The following ATG5 variants were observed in gnomAD, a reference collection of about 807,000 sequenced individuals.
ATG5 encodes the protein autophagy protein 5.
A neutral mutation model predicts 36.5 loss-of-function variants in ATG5; 14 were observed. The ratio of observed to expected loss-of-function variants is 0.38; its 90% confidence interval spans 0.25 to 0.60. ATG5 has a LOEUF of 0.60. Ranked by LOEUF, ATG5 falls within the 20% of genes least tolerant of loss-of-function variation. The pLI is 0.60. For synonymous variants in ATG5, 95 were observed against 101.5 expected, an observed-to-expected ratio of 0.94 and a Z score of 0.38; for missense variants, 195 against 326.7, an observed-to-expected ratio of 0.60 and a Z score of 3.11.
intron 1 of ATG5, among the ~76,000 whole-genome samples, chr6:106,317,661 C>T (rs182298129): frequency 1.2e-3 from 177 of 152,204 alleles, no homozygotes; most frequent in South Asian, 3.3e-3. Flanking sequence ...CTACTTTAAG[C>T]GAATGATATA....
At chr6:106,258,388 T>C (rs1778883178) in intron 5 of ATG5, among the ~76,000 whole-genome samples, 1 of 151,502 alleles carries the variant, frequency 6.6e-6, no homozygotes, top group Non-Finnish European at 1.5e-5. Flanking sequence ...AAAAAAAGGC[T>C]AGTCAAAAGT....
chr6:106,315,970 AT>A (rs888491437), intron 2 of ATG5, 130 bp downstream of exon 2: 14 of 676,004 alleles, frequency 2.1e-5, no homozygotes, highest in South Asian at 8.0e-5. Flanking sequence ...ATCTGTGTTA[AT>A]TTTTTTTCCA....
At chr6:106,221,264 C>G (rs17587319) in intron 6 of ATG5, among the ~76,000 whole-genome samples, 11,465 of 152,248 alleles carry the variant, frequency 0.075, 735 homozygotes, top group Admixed American at 0.22. Context: ...ATATTTTCTT[C>G]TAAGAGCTGT....
chr6:106,186,260 GT>G lies in ATG5; in HGVS notation c.*279del. On this transcript the variant is annotated 3_prime_UTR_variant, in exon 8 of 8. Transcript: ENST00000369076. ...CTTCCATTTTCTTCTTAGGCCAAAG[GT>G]TTCAGCTTCATTATATTTTACAGAA... 2.9e-6 allele frequency: 1 copy of G among 346,396 alleles called. No individual in the cohort carries two copies. The allele number at this position is 346,396 out of a possible 1,614,324, so 21.5% of individuals were successfully genotyped here. A position where few individuals can be genotyped will look rare whatever the true frequency, so the allele number is the denominator to read the frequency against.
chr6:106,271,671 C>T (rs529399385), intron 5 of ATG5: 2 of 152,230 alleles, frequency 1.3e-5, no homozygotes, highest in Admixed American at 6.5e-5. Context: ...CAATGAGGTT[C>T]ATCCAAGACA....
chr6:106,277,218 A>G lies in ATG5; in HGVS notation c.478+2443T>C, dbSNP rs570870406. 1.1e-4 allele frequency among the ~76,000 whole-genome samples: 16 copies of G among 152,364 alleles called. No homozygotes were observed. The East Asian group carries it at 2.5e-3, about 24-fold the overall frequency. On this transcript the variant is annotated intron_variant, in intron 5 of 7. Transcript: ENST00000369076. ...ATTTGATGTGGTAATAGCATAGTCC[A>G]AAAGTTAAAACTAGATCACAGTTTT...
chr6:106,238,882 T>C (rs1483011895), intron 6 of ATG5, among the ~76,000 whole-genome samples: 1 of 152,054 alleles, frequency 6.6e-6, no homozygotes, highest in African/African-American at 2.4e-5. Context: ...CGTTATGGAA[T>C]GAAAACACAG....
chr6:106,281,278 A>G (rs1779867490), intron 4 of ATG5, among the ~76,000 whole-genome samples: 1 of 152,208 alleles, frequency 6.6e-6, no homozygotes, highest in African/African-American at 2.4e-5. Flanking sequence ...GACAATGAGT[A>G]ACTGTCAGCC....
intron 6 of ATG5, among the ~76,000 whole-genome samples, chr6:106,244,796 G>C (rs1232072995): frequency 1.3e-5 from 2 of 152,182 alleles, no homozygotes; most frequent in African/African-American, 2.4e-5. Context: ...AAATAAACTT[G>C]TTGAATGAAT....
intron 5 of ATG5, among the ~76,000 whole-genome samples, chr6:106,258,830 T>C (rs1778899832): frequency 6.6e-6 from 1 of 152,196 alleles, no homozygotes; most frequent in African/African-American, 2.4e-5. Context: ...CTTCAAAAAT[T>C]ATGGTAACAT....
chr6:106,207,034 C>T (rs2114376170), intron 6 of ATG5, among the ~76,000 whole-genome samples: 1 of 152,246 alleles, frequency 6.6e-6, no homozygotes, highest in Admixed American at 6.5e-5. Context: ...CTGATCTTGC[C>T]ACATATTTGT....
At chr6:106,265,444 C>T (rs188005966) in intron 5 of ATG5, among the ~76,000 whole-genome samples, 17 of 152,218 alleles carry the variant, frequency 1.1e-4, no homozygotes, top group South Asian at 1.0e-3. Flanking sequence ...CACAGATCAA[C>T]GAGACATAAA....
intron 3 of ATG5, among the ~76,000 whole-genome samples, chr6:106,295,112 T>C (rs1051561466): frequency 1.3e-5 from 2 of 151,992 alleles, no homozygotes; most frequent in Non-Finnish European, 1.5e-5. Flanking sequence ...AGACAAGTTA[T>C]AGATTTAATC....
intron 6 of ATG5, among the ~76,000 whole-genome samples, chr6:106,217,839 T>C (rs886794705): frequency 2.6e-5 from 4 of 151,884 alleles, no homozygotes; most frequent in Non-Finnish European, 4.4e-5. Context: ...GAATGGTCTA[T>C]TGAATCCAAA....
intron 5 of ATG5, among the ~76,000 whole-genome samples, 178 bp from the exon 6 acceptor site, chr6:106,248,422 T>G (rs2114514691): frequency 6.6e-6 from 1 of 152,322 alleles, no homozygotes; most frequent in South Asian, 2.1e-4. Context: ...TAAAATTAAT[T>G]TTTTTCTACA....
intron 1 of ATG5, among the ~76,000 whole-genome samples, chr6:106,322,107 C>A (rs931527684): frequency 2.0e-5 from 3 of 152,114 alleles, no homozygotes; most frequent in Non-Finnish European, 4.4e-5. Context: ...TAAAGAAACT[C>A]CAACCTGTGA....
chr6:106,245,690 G>T (rs553751786), intron 6 of ATG5, among the ~76,000 whole-genome samples: 186 of 152,032 alleles, frequency 1.2e-3, no homozygotes, highest in Non-Finnish European at 1.8e-3. Context: ...AAATATTTCA[G>T]TAAAAATTAT....
At chr6:106,277,857 T>A (rs968280295) in intron 5 of ATG5, among the ~76,000 whole-genome samples, 2 of 152,128 alleles carry the variant, frequency 1.3e-5, no homozygotes, top group African/African-American at 4.8e-5. Context: ...TACTGAACAA[T>A]AACAAGTTAA....
At chr6:106,227,780 T>A (rs781108210) in intron 6 of ATG5, among the ~76,000 whole-genome samples, 97 of 152,240 alleles carry the variant, frequency 6.4e-4, no homozygotes, top group Non-Finnish European at 1.1e-3. Context: ...GTTCTTGCAC[T>A]GTTCTGGTTA....
Sources: gnomAD v4.1 joint callset for allele counts (sites outside exome capture counted in the v4.1 genomes callset) on GRCh38, gnomAD v4.1.1 for gene constraint, MANE v1.5 for transcripts, NCBI Gene and HGNC (gene_info 2026-07-23, HGNC 2026-07-21) for gene names.